Variants in MBNL1 observed in about 807,000 individuals in gnomAD.
The protein encoded by MBNL1 is muscleblind like splicing regulator 1, also known as muscleblind-like protein 1.
In MBNL1, 8 loss-of-function variants were observed where a neutral mutation model predicts 42.2. The ratio of observed to expected loss-of-function variants is 0.19; its 90% CI spans 0.11 to 0.34. The LOEUF (loss-of-function observed/expected upper bound fraction) is 0.34. MBNL1 is among the 10% of genes least tolerant of loss of function. MBNL1 has a pLI of 1.00. For synonymous variants in MBNL1, 169 were observed against 173.9 expected, an observed-to-expected ratio of 0.97 and a Z score of 0.22; for missense variants, 309 against 495.3, an observed-to-expected ratio of 0.62 and a Z score of 3.57.
At chr3:152,342,127 G>A (rs1019349467) in intron 2 of MBNL1, among the ~76,000 whole-genome samples, 3 of 152,164 alleles carry the variant, frequency 2.0e-5, no homozygotes, top group Non-Finnish European at 4.4e-5. Context: ...TTCAAACTCA[G>A]GAAGTGTGGC....
At chr3:152,312,551 T>C (rs1448149987) in intron 2 of MBNL1, among the ~76,000 whole-genome samples, 1 of 152,264 alleles carries the variant, frequency 6.6e-6, no homozygotes, top group African/African-American at 2.4e-5. Context: ...GCCATTAGTA[T>C]TGATTGTTCT....
chr3:152,267,880 A>AT (rs952719126), upstream of MBNL1: 2 of 152,170 alleles, frequency 1.3e-5, no homozygotes, highest in African/African-American at 4.8e-5. Context: ...CATATCCAGC[A>AT]TTTTTGTCCC....
intron 2 of MBNL1, among the ~76,000 whole-genome samples, chr3:152,378,508 A>G (rs142918034): frequency 1.0e-3 from 153 of 152,230 alleles, no homozygotes; most frequent in African/African-American, 3.6e-3. Flanking sequence ...GTAATAGTAT[A>G]TTTCTACCTG....
At chr3:152,405,704 A>G (rs2098410114) in intron 2 of MBNL1, among the ~76,000 whole-genome samples, 1 of 152,190 alleles carries the variant, frequency 6.6e-6, no homozygotes. Flanking sequence ...TAGAAATTTA[A>G]TAGAGACAGT....
intron 2 of MBNL1, among the ~76,000 whole-genome samples, chr3:152,411,627 A>C (rs1182685537): frequency 1.3e-5 from 2 of 152,232 alleles, no homozygotes; most frequent in Non-Finnish European, 2.9e-5. Flanking sequence ...TAAATGATTT[A>C]GAGTAGTAGC....
chr3:152,349,404 CAT>C (rs2094665939), intron 2 of MBNL1, among the ~76,000 whole-genome samples: 1 of 151,610 alleles, frequency 6.6e-6, no homozygotes, highest in Non-Finnish European at 1.5e-5. Flanking sequence ...CAGTTGGAAA[CAT>C]ATCTTATTTT....
intron 2 of MBNL1, among the ~76,000 whole-genome samples, chr3:152,381,048 C>G (rs1308757647): frequency 1.3e-5 from 2 of 151,994 alleles, no homozygotes; most frequent in Admixed American, 6.6e-5. Context: ...TGTTTTTAGA[C>G]AAATCCAAAT....
rs906104738 is a variant in MBNL1, at chr3:152,465,042, T to TA, written c.*2677dup. On this transcript the variant is annotated 3_prime_UTR_variant, in exon 10 of 10. Transcript: ENST00000324210. ...GCCAGGATTTTTTCAGCTGGAAAGATACGCCATCCTTTCAAACCCTCATGA... is the reference window on the plus strand; with the variant it reads ...GCCAGGATTTTTTCAGCTGGAAAGATAACGCCATCCTTTCAAACCCTCATGA... 17 of 152,580 alleles carry TA rather than the reference T, an allele frequency of 1.1e-4. No individual in the cohort carries two copies. The highest frequency in any genetic ancestry group is 3.1e-4 in the African/African-American group (13 of 41,442). The allele number at this position is 152,580 out of a possible 1,614,324, so 9.5% of individuals were successfully genotyped here.
intron 1 of MBNL1, among the ~76,000 whole-genome samples, chr3:152,273,478 A>G (rs1428430725): frequency 1.3e-5 from 2 of 152,228 alleles, no homozygotes; most frequent in Non-Finnish European, 2.9e-5. Context: ...GAGGCATCTC[A>G]TCATATGTGC....
chr3:152,334,951 G>A (rs537927241), intron 2 of MBNL1, among the ~76,000 whole-genome samples: 2 of 152,260 alleles, frequency 1.3e-5, no homozygotes, highest in East Asian at 3.9e-4. Context: ...AGACGTACGG[G>A]CAAACTCTCT....
At chr3:152,386,933 A>G (rs1037196619) in intron 2 of MBNL1, among the ~76,000 whole-genome samples, 7 of 152,172 alleles carry the variant, frequency 4.6e-5, no homozygotes, top group African/African-American at 7.2e-5. Context: ...TCTTGAATCA[A>G]TGTGGTGCAG....
At position 152,451,972 on chromosome 3, in the gene MBNL1, C is replaced by T. The variant is rs537767646; in HGVS notation, c.962-3570C>T. ...ACAACTTGAACTCAAGTCAGGCTGA[C>T]TTGGTTAGTCTCTCAATATCTATTA... On this transcript the variant is annotated intron_variant, in intron 6 of 9. Transcript: ENST00000324210. Among the ~76,000 whole-genome samples, 28 of 152,298 alleles carry T rather than the reference C, an allele frequency of 1.8e-4. 1 individual carries two copies. In the South Asian group the frequency reaches 5.6e-3, roughly 30 times the overall value.
intron 2 of MBNL1, among the ~76,000 whole-genome samples, chr3:152,393,951 A>G (rs535399383): frequency 6.6e-6 from 1 of 152,320 alleles, no homozygotes; most frequent in East Asian, 1.9e-4. Flanking sequence ...TACTGAAAAA[A>G]TAGTGCCTAA....
At position 152,410,351 on chromosome 3, in the gene MBNL1, T is replaced by G. The variant is rs534400903; in HGVS notation, c.175-4590T>G. ...GAAATTACTCGATGAATTTATTGAA[T>G]GACTGTTATTGGTCTCATACAGGTT... On this transcript the variant is annotated intron_variant, in intron 2 of 9. Transcript: ENST00000324210. 8.9e-4 allele frequency among the ~76,000 whole-genome samples: 136 copies of G among 152,338 alleles called. 1 individual carries two copies. The highest frequency in any genetic ancestry group is 3.1e-3 in the African/African-American group (129 of 41,592).
intron 1 of MBNL1, among the ~76,000 whole-genome samples, chr3:152,295,629 A>G (rs2058235279): frequency 6.6e-6 from 1 of 152,236 alleles, no homozygotes; most frequent in African/African-American, 2.4e-5. Flanking sequence ...GGGGAGAGGT[A>G]CGAAGAGCTA....
At chr3:152,354,333 T>G (rs2095344186) in intron 2 of MBNL1, among the ~76,000 whole-genome samples, 1 of 152,154 alleles carries the variant, frequency 6.6e-6, no homozygotes. Context: ...CTTCCGCCTG[T>G]GGTCCCTGCT....
chr3:152,364,090 T>C (rs774875772), intron 2 of MBNL1, among the ~76,000 whole-genome samples: 29 of 152,104 alleles, frequency 1.9e-4, no homozygotes, highest in Non-Finnish European at 3.5e-4. Context: ...AAATTCAAGA[T>C]GCCCTTTATT....
intron 2 of MBNL1, among the ~76,000 whole-genome samples, chr3:152,373,370 C>G (rs1252162786): frequency 6.9e-6 from 1 of 145,772 alleles, no homozygotes; most frequent in Non-Finnish European, 1.5e-5. Context: ...AAAAAACCTT[C>G]TGCAGCTAGC....
chr3:152,310,182 G>A (rs1349297496), intron 2 of MBNL1, among the ~76,000 whole-genome samples: 2 of 152,158 alleles, frequency 1.3e-5, no homozygotes, highest in African/African-American at 4.8e-5. Context: ...ACTAATTTTT[G>A]TATGGTAAGA....
Sources: allele counts gnomAD v4.1 joint callset (sites outside exome capture counted in the v4.1 genomes callset), GRCh38; gene constraint gnomAD v4.1.1; transcripts MANE v1.5; gene names NCBI Gene and HGNC (gene_info 2026-07-23, HGNC 2026-07-21).